The following HLCS variants were observed in gnomAD, a reference collection of about 807,000 sequenced individuals.
HLCS encodes the protein biotin--protein ligase.
HLCS carries 53 observed loss-of-function variants against 75.0 expected under a neutral mutation model. The observed-to-expected ratio is 0.71, with a 90% confidence interval of 0.57 to 0.89. HLCS has a LOEUF of 0.89. Among genes scored for constraint, HLCS ranks in the 40% least tolerant of loss-of-function variants. The pLI is 0.00. For synonymous variants in HLCS, 431 were observed against 428.6 expected (o/e 1.01, Z -0.07); for missense variants, 966 against 1,074.0 (o/e 0.90, Z 1.41).
At chr21:36,915,066 C>G (rs1032492543) in intron 5 of HLCS, among the ~76,000 whole-genome samples, 3 of 152,218 alleles carry the variant, frequency 2.0e-5, no homozygotes, top group Non-Finnish European at 4.4e-5. Context: ...CTGATGCTGA[C>G]ATGTCCCCCC....
At chr21:36,929,411 A>G (rs1351858053) in intron 5 of HLCS, among the ~76,000 whole-genome samples, 4 of 152,246 alleles carry the variant, frequency 2.6e-5, no homozygotes, top group African/African-American at 9.6e-5. Flanking sequence ...ACACCCAGAT[A>G]GCTCATAGCT....
chr21:36,879,814 G>T (rs2064133241), intron 6 of HLCS, among the ~76,000 whole-genome samples: 1 of 152,056 alleles, frequency 6.6e-6, no homozygotes, highest in South Asian at 2.1e-4. Flanking sequence ...AGAGGCTGAG[G>T]TGGGAGGACT....
At chr21:36,869,719 G>C (rs567599007) in intron 6 of HLCS, among the ~76,000 whole-genome samples, 1 of 152,076 alleles carries the variant, frequency 6.6e-6, no homozygotes, top group African/African-American at 2.4e-5. Context: ...TTTTCTTCTA[G>C]ATACCATATC....
chr21:36,970,423 A>G (rs1759556503), upstream of HLCS, among the ~76,000 whole-genome samples: 2 of 151,664 alleles, frequency 1.3e-5, no homozygotes, highest in Admixed American at 1.3e-4. Flanking sequence ...TGTAGAGACA[A>G]GGTTTTACCC....
At chr21:36,808,624 G>T (rs895227052) in intron 6 of HLCS, among the ~76,000 whole-genome samples, 5 of 152,024 alleles carry the variant, frequency 3.3e-5, no homozygotes, top group African/African-American at 1.2e-4. Flanking sequence ...TATAAGCCTC[G>T]CAAGACAGTG....
intron 6 of HLCS, among the ~76,000 whole-genome samples, chr21:36,835,159 G>C (rs962193724): frequency 6.6e-6 from 1 of 152,126 alleles, no homozygotes; most frequent in African/African-American, 2.4e-5. Context: ...AAAGTAAATG[G>C]GGGATTCCAA....
intron 2 of HLCS, among the ~76,000 whole-genome samples, chr21:36,944,511 T>C (rs1260901244): frequency 1.3e-5 from 2 of 152,252 alleles, no homozygotes; most frequent in Non-Finnish European, 1.5e-5. Flanking sequence ...TTATTTTATA[T>C]AAATTATACC....
intron 6 of HLCS, among the ~76,000 whole-genome samples, chr21:36,769,656 T>C (rs978846945): frequency 1.3e-5 from 2 of 152,248 alleles, no homozygotes; most frequent in Admixed American, 6.5e-5. Context: ...CGCTCTGTTT[T>C]GTACTCTTGT....
At chr21:36,868,849 C>G (rs2063666037) in intron 6 of HLCS, among the ~76,000 whole-genome samples, 5 of 152,110 alleles carry the variant, frequency 3.3e-5, no homozygotes. Context: ...GAAGTCCATC[C>G]ACCCTAGTCT....
At chr21:36,789,080 A>G (rs1021485884) in intron 6 of HLCS, among the ~76,000 whole-genome samples, 7 of 151,874 alleles carry the variant, frequency 4.6e-5, no homozygotes, top group Non-Finnish European at 1.0e-4. Context: ...TTTCAGACAG[A>G]CTCTCATTCT....
intron 6 of HLCS, among the ~76,000 whole-genome samples, chr21:36,875,246 G>C (rs2063922894): frequency 6.6e-6 from 1 of 152,182 alleles, no homozygotes. Context: ...CTTCAAGCCT[G>C]AAGCCTGGGC....
intron 10 of HLCS, among the ~76,000 whole-genome samples, chr21:36,755,071 C>T (rs185002104): frequency 6.6e-6 from 1 of 152,116 alleles, no homozygotes; most frequent in Non-Finnish European, 1.5e-5. Flanking sequence ...TAAACACACA[C>T]AAGCACACAT....
intron 1 of HLCS, among the ~76,000 whole-genome samples, chr21:36,977,856 G>A (rs2068984096): frequency 1.3e-5 from 2 of 152,238 alleles, no homozygotes; most frequent in Admixed American, 1.3e-4. Flanking sequence ...CAGGCTAAGA[G>A]TGCAGACTAT....
intron 6 of HLCS, among the ~76,000 whole-genome samples, chr21:36,872,199 GAT>G (rs1239201125): frequency 1.3e-5 from 2 of 152,168 alleles, no homozygotes; most frequent in East Asian, 3.9e-4. Context: ...GAGGCGGGCG[GAT>G]CACAAGGTCA....
chr21:36,777,878 T>A (rs970041719), intron 6 of HLCS, among the ~76,000 whole-genome samples: 1 of 152,260 alleles, frequency 6.6e-6, no homozygotes, highest in African/African-American at 2.4e-5. Context: ...AATAAGCACT[T>A]ATGGGGAGAT....
intron 8 of HLCS, among the ~76,000 whole-genome samples, chr21:36,760,907 C>T (rs16994424): frequency 0.045 from 6,798 of 152,308 alleles, 471 homozygotes; most frequent in African/African-American, 0.15. Context: ...GTCAGAACCA[C>T]CAGGTCTTTT....
At chr21:36,755,301 T>G (rs570995338) in intron 10 of HLCS, among the ~76,000 whole-genome samples, 1 of 151,668 alleles carries the variant, frequency 6.6e-6, no homozygotes, top group East Asian at 1.9e-4. Context: ...CTTGGGAGGC[T>G]GAGGCAGGAG....
chr21:36,808,069 A>C (rs2061411470), intron 6 of HLCS, among the ~76,000 whole-genome samples: 1 of 151,598 alleles, frequency 6.6e-6, no homozygotes, highest in Non-Finnish European at 1.5e-5. Flanking sequence ...AAAAAAAGTA[A>C]GACTAAGGCA....
chr21:36,884,967 CTG>C (rs903415296), intron 6 of HLCS, among the ~76,000 whole-genome samples: 6 of 152,022 alleles, frequency 3.9e-5, no homozygotes, highest in African/African-American at 1.4e-4. Context: ...TTTGAAATGA[CTG>C]TGAATTACCT....
Sources: gnomAD v4.1 joint callset for allele counts (sites outside exome capture counted in the v4.1 genomes callset) on GRCh38, gnomAD v4.1.1 for gene constraint, MANE v1.5 for transcripts, NCBI Gene and HGNC (gene_info 2026-07-23, HGNC 2026-07-21) for gene names.